The following CACNA1C variants were observed in gnomAD, a reference collection of about 807,000 sequenced individuals.
CACNA1C encodes the protein voltage-dependent L-type calcium channel subunit alpha-1C.
CACNA1C carries 30 observed loss-of-function variants against 229.0 expected under a neutral mutation model. The observed-to-expected ratio is 0.13, with a 90% confidence interval of 0.10 to 0.18. The LOEUF is 0.18. CACNA1C is among the 10% of genes least tolerant of loss of function. The pLI is 1.00. For synonymous variants in CACNA1C, 1,114 were observed against 1,132.5 expected (o/e 0.98, Z 0.33); for missense variants, 1,658 against 2,845.0 (o/e 0.58, Z 9.49).
intron 1 of CACNA1C, among the ~76,000 whole-genome samples, chr12:2,103,053 A>G (rs1176258029): frequency 6.6e-6 from 1 of 152,218 alleles, no homozygotes; most frequent in Non-Finnish European, 1.5e-5. Flanking sequence ...ATATGTGTGC[A>G]TGTGTGTTTA....
At chr12:2,469,428 C>T (rs1026812556) in intron 5 of CACNA1C, among the ~76,000 whole-genome samples, 1 of 152,150 alleles carries the variant, frequency 6.6e-6, no homozygotes, top group African/African-American at 2.4e-5. Flanking sequence ...ATAGGAAATA[C>T]ACTCATGTCA....
intron 46 of CACNA1C, among the ~76,000 whole-genome samples, chr12:2,690,382 T>C (rs2097757413): frequency 6.6e-6 from 1 of 152,128 alleles, no homozygotes; most frequent in Non-Finnish European, 1.5e-5. Flanking sequence ...CAGGCTGGAG[T>C]GTAGTGGTAC....
chr12:2,352,738 A>G (rs1311679987), intron 3 of CACNA1C, among the ~76,000 whole-genome samples: 2 of 152,090 alleles, frequency 1.3e-5, no homozygotes, highest in South Asian at 2.1e-4. Context: ...GTTGGGGGAA[A>G]TAGACTCTGT....
intron 3 of CACNA1C, among the ~76,000 whole-genome samples, chr12:2,278,193 T>C (rs1349003127): frequency 6.6e-6 from 1 of 152,260 alleles, no homozygotes; most frequent in African/African-American, 2.4e-5. Flanking sequence ...TTTAATGGAC[T>C]AGGTACAATT....
intron 3 of CACNA1C, among the ~76,000 whole-genome samples, chr12:2,144,432 T>A (rs2094534693): frequency 6.6e-6 from 1 of 151,370 alleles, no homozygotes; most frequent in Non-Finnish European, 1.5e-5. Flanking sequence ...GTGGTCTGTT[T>A]TCATTCATTC....
intron 10 of CACNA1C, chr12:2,550,537 C>A: frequency 7.4e-7 from 1 of 1,350,824 alleles, no homozygotes; most frequent in Non-Finnish European, 9.8e-7. Context: ...CTCTCTCATC[C>A]TGCCAGTAAG....
intron 3 of CACNA1C, among the ~76,000 whole-genome samples, chr12:2,185,581 GAC>G (rs1358338029): frequency 3.3e-5 from 5 of 152,362 alleles, no homozygotes; most frequent in African/African-American, 1.2e-4. Context: ...GACACACATG[GAC>G]ACAGACACAC....
intron 5 of CACNA1C, among the ~76,000 whole-genome samples, chr12:2,474,616 C>T (rs560108258): frequency 2.7e-4 from 41 of 152,108 alleles, no homozygotes; most frequent in Admixed American, 5.9e-4. Context: ...CTTAGCCAGA[C>T]ATGGTGGCAC....
chr12:2,221,092 C>G (rs1349501629), intron 3 of CACNA1C, among the ~76,000 whole-genome samples: 1 of 152,094 alleles, frequency 6.6e-6, no homozygotes, highest in African/African-American at 2.4e-5. Flanking sequence ...GAAGAGCCTT[C>G]CGGGGGATGG....
chr12:2,065,743 C>G (rs1265377313), intron 1 of CACNA1C, among the ~76,000 whole-genome samples: 2 of 152,248 alleles, frequency 1.3e-5, no homozygotes, highest in East Asian at 3.9e-4. Context: ...TGAGCCGTCC[C>G]TTGAAGGGTG....
chr12:2,053,149 G>T lies in CACNA1C; in HGVS notation c.-414G>T. The T allele has an allele frequency of 1.0e-6, 1 of 987,966 alleles. No homozygotes were observed. Among genetic ancestry groups the T allele is most frequent in the Non-Finnish European group, 1.2e-6 (1 of 831,876 alleles). 61.2% of individuals were successfully genotyped at this position (987,966 alleles called of 1,614,324 possible). A position where few individuals can be genotyped will look rare whatever the true frequency, so the allele number is the denominator to read the frequency against. Reference sequence around the variant, plus strand: ...CCGGGCAGGGGCCTCAGGAGGACTCGCTGGGAGTGGGCAGAGGCGCCTCGG... The same window carrying T: ...CCGGGCAGGGGCCTCAGGAGGACTCTCTGGGAGTGGGCAGAGGCGCCTCGG... On this transcript the variant is annotated 5_prime_UTR_variant, in exon 1 of 47. Coordinates refer to ENST00000399655, the MANE Select transcript of CACNA1C (RefSeq NM_000719.7). This position sits in a 1 kb window ranked among gnomAD's most constrained non-coding sequence, Gnocchi z 5.8.
chr12:2,026,510 G>A (rs754670574), intron 1 of CACNA1C, among the ~76,000 whole-genome samples: 3 of 152,190 alleles, frequency 2.0e-5, no homozygotes, highest in Non-Finnish European at 4.4e-5. Context: ...TGAATTATTA[G>A]CAGTGGCAAT....
chr12:2,369,008 G>C (rs2097786275), intron 3 of CACNA1C, among the ~76,000 whole-genome samples: 1 of 152,096 alleles, frequency 6.6e-6, no homozygotes, highest in African/African-American at 2.4e-5. Flanking sequence ...ATATTTGTTG[G>C]GGCATAAAAT....
intron 3 of CACNA1C, among the ~76,000 whole-genome samples, chr12:2,355,700 G>A (rs980159137): frequency 6.6e-6 from 1 of 152,156 alleles, no homozygotes; most frequent in African/African-American, 2.4e-5. Flanking sequence ...CTTGCAATGG[G>A]GGCGATTTTA....
rs562807872 is a variant in CACNA1C, at chr12:2,522,163, C to G, written c.1390+9179C>G. On this transcript the variant is annotated intron_variant, in intron 9 of 46. Coordinates refer to ENST00000399655, the MANE Select transcript of CACNA1C (RefSeq NM_000719.7). Reference sequence around the variant, plus strand: ...CTTGGCTCAGGCCTCCCAGAGCCCCCATCTCAGGACAGGCACTGTCAGCAC... The same window carrying G: ...CTTGGCTCAGGCCTCCCAGAGCCCCGATCTCAGGACAGGCACTGTCAGCAC... Among the ~76,000 whole-genome samples the G allele has an allele frequency of 5.3e-5, 8 of 152,314 alleles. No homozygotes were observed. The South Asian group carries it at 1.7e-3, about 32-fold the overall frequency.
chr12:2,172,832 C>G (rs925427765), intron 3 of CACNA1C, among the ~76,000 whole-genome samples: 2 of 152,228 alleles, frequency 1.3e-5, no homozygotes, highest in South Asian at 4.1e-4. Context: ...CCTGATGGAC[C>G]TTGTCTGTGG....
chr12:2,109,742 C>T (rs1421315968), intron 1 of CACNA1C, among the ~76,000 whole-genome samples: 1 of 152,188 alleles, frequency 6.6e-6, no homozygotes, highest in East Asian at 1.9e-4. Flanking sequence ...AGGGTGGCTA[C>T]TGCAGCACTT....
intron 3 of CACNA1C, among the ~76,000 whole-genome samples, chr12:2,184,536 T>C (rs536109046): frequency 6.6e-6 from 1 of 152,368 alleles, no homozygotes; most frequent in African/African-American, 2.4e-5. Flanking sequence ...CCCAAGAATG[T>C]GTTTGCCTCT....
At position 2,402,729 on chromosome 12, in the gene CACNA1C, G is replaced by T. The variant is rs537315897; in HGVS notation, c.478-46247G>T. Among the ~76,000 whole-genome samples, 4 of 152,212 alleles carry T rather than the reference G, an allele frequency of 2.6e-5. No homozygotes were observed. In the South Asian group the frequency reaches 8.3e-4, roughly 32 times the overall value. On this transcript the variant is annotated intron_variant, in intron 3 of 46. Transcript: ENST00000399655. Reference sequence around the variant, plus strand: ...CATCGCCATTCAGCTTTCATCCTCCGAACCAGACTTGTAGGCCCCCAGTGC... The same window carrying T: ...CATCGCCATTCAGCTTTCATCCTCCTAACCAGACTTGTAGGCCCCCAGTGC...
Sources: gnomAD v4.1 joint callset for allele counts (sites outside exome capture counted in the v4.1 genomes callset) on GRCh38, gnomAD v4.1.1 for gene constraint, Gnocchi (gnomAD v3.1) non-coding constraint, MANE v1.5 for transcripts, NCBI Gene and HGNC (gene_info 2026-07-23, HGNC 2026-07-21) for gene names.